Variants in SPAG16 observed in about 807,000 individuals in gnomAD.
SPAG16 encodes the protein sperm associated antigen 16.
In SPAG16, 86 loss-of-function variants were observed where a neutral mutation model predicts 80.4. That is an observed-to-expected ratio of 1.07 (90% CI 0.90 to 1.28). The LOEUF is 1.28. SPAG16 is among the 50% of genes most tolerant of loss of function. SPAG16 has a pLI of 0.00. For synonymous variants in SPAG16, 294 were observed against 265.9 expected (o/e 1.11, Z -1.03); for missense variants, 870 against 765.3 (o/e 1.14, Z -1.61).
chr2:213,839,703 A>G (rs1324320998), intron 10 of SPAG16, among the ~76,000 whole-genome samples: 1 of 152,226 alleles, frequency 6.6e-6, no homozygotes, highest in Non-Finnish European at 1.5e-5. Flanking sequence ...GTACAGCAGT[A>G]AAGTTGACAT....
chr2:214,068,959 C>A (rs1397560635), intron 13 of SPAG16, among the ~76,000 whole-genome samples: 2 of 152,004 alleles, frequency 1.3e-5, no homozygotes, highest in African/African-American at 4.8e-5. Flanking sequence ...CTCAGAAATT[C>A]GTTGCATTAT....
chr2:213,792,576 CTTTTTTT>C (rs11372174), intron 10 of SPAG16, among the ~76,000 whole-genome samples: 15 of 78,258 alleles, frequency 1.9e-4, no homozygotes, highest in South Asian at 5.5e-4. Context: ...AAATGAGTAT[CTTTTTTT>C]TTTTTTTTTT....
At chr2:214,095,596 C>T (rs1255610938) in intron 13 of SPAG16, among the ~76,000 whole-genome samples, 1 of 152,008 alleles carries the variant, frequency 6.6e-6, no homozygotes, top group African/African-American at 2.4e-5. Flanking sequence ...TTTTTCCTTT[C>T]TGAATATGTG....
chr2:213,704,976 G>C lies in SPAG16; in HGVS notation c.1071-157509G>C, dbSNP rs143345054. Among the ~76,000 whole-genome samples, 861 of 152,318 alleles carry C rather than the reference G, an allele frequency of 5.7e-3. 12 individuals carry two copies. The highest frequency in any genetic ancestry group is 0.02 in the African/African-American group (816 of 41,564). The stretch of plus-strand genomic sequence containing the variant: ...TAGAAAAAAAAAATTAAATAGGCTA[G>C]GCGCATGGGCTTGCGCCTGTAATCC... On this transcript the variant is annotated intron_variant, in intron 10 of 15. Transcript: ENST00000331683.
chr2:214,374,395 C>A (rs1466640320), intron 15 of SPAG16, among the ~76,000 whole-genome samples: 1 of 152,140 alleles, frequency 6.6e-6, no homozygotes, highest in Non-Finnish European at 1.5e-5. Context: ...CTGCACAGGA[C>A]AGGGAATTTT....
chr2:214,035,542 G>A (rs2048651152), intron 13 of SPAG16, among the ~76,000 whole-genome samples: 1 of 152,204 alleles, frequency 6.6e-6, no homozygotes, highest in Admixed American at 6.5e-5. Flanking sequence ...CCTTGAGAGT[G>A]TGCACACACT....
At chr2:213,972,011 A>G (rs1029358779) in intron 12 of SPAG16, among the ~76,000 whole-genome samples, 3 of 151,720 alleles carry the variant, frequency 2.0e-5, no homozygotes, top group Admixed American at 6.6e-5. Flanking sequence ...ATATTTTGAT[A>G]CAGGCATACA....
At chr2:213,374,940 A>AT in intron 8 of SPAG16, 70 bp from the exon 9 acceptor site, 1 of 1,150,288 alleles carries the variant, frequency 8.7e-7, no homozygotes, top group South Asian at 1.6e-5. Context: ...TGGTTTTCAT[A>AT]TTTTTGGTTG....
chr2:213,972,827 C>A (rs909906425), intron 12 of SPAG16, among the ~76,000 whole-genome samples: 17 of 152,046 alleles, frequency 1.1e-4, no homozygotes, highest in African/African-American at 3.4e-4. Flanking sequence ...TACTTTTTCC[C>A]TTATCAGGTA....
intron 9 of SPAG16, among the ~76,000 whole-genome samples, chr2:213,468,375 C>CTATA (rs1559162502): frequency 6.2e-4 from 88 of 142,628 alleles, no homozygotes; most frequent in African/African-American, 2.1e-3. Context: ...ATATCTCTCT[C>CTATA]TATATATATA....
chr2:213,608,392 C>T, intron 10 of SPAG16, among the ~76,000 whole-genome samples: 1 of 152,078 alleles, frequency 6.6e-6, no homozygotes, highest in East Asian at 1.9e-4. Context: ...TCTCATTGTT[C>T]AATTCCCACC....
intron 10 of SPAG16, among the ~76,000 whole-genome samples, chr2:213,650,624 G>C (rs1190389884): frequency 1.3e-5 from 2 of 152,156 alleles, no homozygotes; most frequent in Non-Finnish European, 2.9e-5. Flanking sequence ...AACTATTGTA[G>C]TCTTAATTTC....
chr2:213,328,983 C>CT (rs1305550887), intron 5 of SPAG16, among the ~76,000 whole-genome samples: 1 of 152,128 alleles, frequency 6.6e-6, no homozygotes, highest in African/African-American at 2.4e-5. Context: ...GGGAGTTTCC[C>CT]TGCACAAGCT....
At chr2:214,030,070 G>T (rs925294864) in intron 13 of SPAG16, among the ~76,000 whole-genome samples, 6 of 152,070 alleles carry the variant, frequency 3.9e-5, no homozygotes, top group Non-Finnish European at 5.9e-5. Context: ...TTGTACAGCA[G>T]AGCTCTAGCC....
intron 13 of SPAG16, among the ~76,000 whole-genome samples, chr2:214,100,618 T>C (rs1159958275): frequency 6.6e-6 from 1 of 152,066 alleles, no homozygotes; most frequent in Non-Finnish European, 1.5e-5. Flanking sequence ...CCCACTTAAA[T>C]ACCAAAACAT....
Position 214,288,681 on chromosome 2 carries a change from G to A in SPAG16, c.1721-121459G>A, listed in dbSNP as rs532243494. 1.7e-4 allele frequency among the ~76,000 whole-genome samples: 26 copies of A among 152,050 alleles called. No homozygotes were observed. In the East Asian group the frequency reaches 4.8e-3, roughly 28 times the overall value. On this transcript the variant is annotated intron_variant, in intron 15 of 15. Transcript: ENST00000331683. ...TTAATTTTCATTTCCCTGCTGGTTA[G>A]CAATACTGAGTATTTTATCATATAC...
At position 213,470,220 on chromosome 2, in the gene SPAG16, A is replaced by T. The variant is rs914188092; in HGVS notation, c.943-19743A>T. 2.6e-5 allele frequency among the ~76,000 whole-genome samples: 4 copies of T among 152,208 alleles called. No individual in the cohort carries two copies. The South Asian group carries it at 8.3e-4, about 32-fold the overall frequency. ...TTGTGACTTCAAAAGGCCATTGCACAGTTTTTATCAGTCCAGCTGCTTCAG... is the reference window on the plus strand; with the variant it reads ...TTGTGACTTCAAAAGGCCATTGCACTGTTTTTATCAGTCCAGCTGCTTCAG... On this transcript the variant is annotated intron_variant, in intron 9 of 15. Coordinates refer to ENST00000331683, the MANE Select transcript of SPAG16 (RefSeq NM_024532.5).
intron 15 of SPAG16, among the ~76,000 whole-genome samples, chr2:214,395,059 C>T (rs899288804): frequency 9.2e-5 from 14 of 152,188 alleles, no homozygotes; most frequent in Non-Finnish European, 1.6e-4. Context: ...CTTTTTATCA[C>T]TGAAGAATAT....
intron 15 of SPAG16, among the ~76,000 whole-genome samples, chr2:214,337,654 G>A (rs1157394415): frequency 6.6e-6 from 1 of 152,108 alleles, no homozygotes; most frequent in Non-Finnish European, 1.5e-5. Flanking sequence ...ATGGCTATAG[G>A]GGATGATCCA....
Sources: allele counts gnomAD v4.1 joint callset (sites outside exome capture counted in the v4.1 genomes callset), GRCh38; gene constraint gnomAD v4.1.1; transcripts MANE v1.5; gene names NCBI Gene and HGNC (gene_info 2026-07-23, HGNC 2026-07-21).